Variants in SPIDR observed in about 807,000 individuals in gnomAD.
The protein encoded by SPIDR is scaffold protein involved in DNA repair.
In SPIDR, 93 loss-of-function variants were observed where a neutral mutation model predicts 104.6. The observed-to-expected ratio is 0.89, with a 90% CI of 0.75 to 1.06. SPIDR has a LOEUF of 1.06. Among genes scored for constraint, SPIDR ranks in the 50% least tolerant of loss-of-function variants. The pLI, the probability that SPIDR is intolerant of heterozygous loss-of-function variation, is 0.00. For synonymous variants in SPIDR, 431 were observed against 416.9 expected, an observed-to-expected ratio of 1.03 and a Z score of -0.41; for missense variants, 1,154 against 1,111.2, an observed-to-expected ratio of 1.04 and a Z score of -0.55.
chr8:47,582,869 C>CAT (rs58837046), intron 8 of SPIDR, among the ~76,000 whole-genome samples: 1 of 124,836 alleles, frequency 8.0e-6, no homozygotes, highest in Non-Finnish European at 1.8e-5. Flanking sequence ...CACACACACA[C>CAT]ATATTTTTAA....
At chr8:47,641,019 T>C (rs2068871053) in intron 10 of SPIDR, among the ~76,000 whole-genome samples, 1 of 151,190 alleles carries the variant, frequency 6.6e-6, no homozygotes, top group Non-Finnish European at 1.5e-5. Context: ...GGCTGAGCTG[T>C]GATTTTTAAA....
intron 8 of SPIDR, among the ~76,000 whole-genome samples, chr8:47,490,763 A>G (rs969152487): frequency 1.8e-4 from 28 of 152,218 alleles, no homozygotes; most frequent in Middle Eastern, 3.4e-3. Flanking sequence ...ACCAAACACC[A>G]CATGTTCTCA....
chr8:47,399,974 C>T (rs566846186), intron 6 of SPIDR, among the ~76,000 whole-genome samples: 5 of 152,238 alleles, frequency 3.3e-5, no homozygotes, highest in East Asian at 1.9e-4. Context: ...GTGGCTGAGG[C>T]GAGTGGAGGA....
chr8:47,545,750 T>C (rs1376685434), intron 8 of SPIDR, among the ~76,000 whole-genome samples: 1 of 152,116 alleles, frequency 6.6e-6, no homozygotes, highest in African/African-American at 2.4e-5. Flanking sequence ...CCAATAAATA[T>C]AATATTAACT....
intron 5 of SPIDR, among the ~76,000 whole-genome samples, chr8:47,370,941 GTC>G (rs2057935516): frequency 1.3e-5 from 2 of 151,964 alleles, no homozygotes; most frequent in Admixed American, 6.6e-5. Context: ...TAGGTTTGCT[GTC>G]TCTAGTGTCT....
At chr8:47,575,661 AAAG>A (rs934294700) in intron 8 of SPIDR, among the ~76,000 whole-genome samples, 12 of 135,244 alleles carry the variant, frequency 8.9e-5, no homozygotes, top group African/African-American at 1.4e-4. Context: ...AAAAAAAAAA[AAAG>A]AAAGAAAAAA....
At chr8:47,281,125 T>TA (rs2037694446) in intron 2 of SPIDR, among the ~76,000 whole-genome samples, 1 of 152,202 alleles carries the variant, frequency 6.6e-6, no homozygotes, top group Admixed American at 6.5e-5. Flanking sequence ...GCAATAGTAT[T>TA]ATGTCTAAAA....
intron 5 of SPIDR, among the ~76,000 whole-genome samples, chr8:47,336,271 C>T (rs1179744717): frequency 6.6e-6 from 1 of 152,158 alleles, no homozygotes; most frequent in African/African-American, 2.4e-5. Flanking sequence ...AATACTGTTG[C>T]TCTGAAATTG....
intron 5 of SPIDR, among the ~76,000 whole-genome samples, chr8:47,354,963 T>C (rs1489075337): frequency 6.6e-6 from 1 of 151,862 alleles, no homozygotes; most frequent in African/African-American, 2.4e-5. Flanking sequence ...TTTTTTGTTT[T>C]TCTTTTCTTG....
At chr8:47,566,472 T>C (rs542386742) in intron 8 of SPIDR, among the ~76,000 whole-genome samples, 7 of 152,302 alleles carry the variant, frequency 4.6e-5, no homozygotes, top group South Asian at 2.1e-4. Context: ...AAAGGACTTA[T>C]AAAGTCCAGC....
At chr8:47,311,890 C>A (rs1441836515) in intron 5 of SPIDR, among the ~76,000 whole-genome samples, 1 of 152,100 alleles carries the variant, frequency 6.6e-6, no homozygotes, top group Non-Finnish European at 1.5e-5. Flanking sequence ...CCACAACAGT[C>A]CCCGGAGTGT....
intron 8 of SPIDR, among the ~76,000 whole-genome samples, chr8:47,544,093 G>T (rs770103645): frequency 2.6e-5 from 4 of 151,612 alleles, no homozygotes; most frequent in East Asian, 1.9e-4. Context: ...TGGCCAAGAG[G>T]GTTCTGTTCA....
At chr8:47,662,614 C>T (rs1465175170) in intron 10 of SPIDR, among the ~76,000 whole-genome samples, 1 of 152,104 alleles carries the variant, frequency 6.6e-6, no homozygotes, top group Non-Finnish European at 1.5e-5. Flanking sequence ...CCCTTCCTTC[C>T]AAGAGAAAAT....
chr8:47,467,274 C>T (rs1318664591), intron 8 of SPIDR, among the ~76,000 whole-genome samples: 1 of 152,136 alleles, frequency 6.6e-6, no homozygotes, highest in Non-Finnish European at 1.5e-5. Flanking sequence ...CAGCTGAATT[C>T]TACCAGATGT....
At chr8:47,735,248 G>A in intron 19 of SPIDR, 59 bp from the exon 20 acceptor site, 1 of 1,558,314 alleles carries the variant, frequency 6.4e-7, no homozygotes, top group Non-Finnish European at 8.8e-7. Flanking sequence ...TTTCCGTGTT[G>A]TTGGGAACAG....
intron 5 of SPIDR, among the ~76,000 whole-genome samples, chr8:47,392,902 C>A (rs1332716840): frequency 6.6e-6 from 1 of 152,194 alleles, no homozygotes; most frequent in Non-Finnish European, 1.5e-5. Context: ...TGTATCTGTA[C>A]AATTTCTCTT....
chr8:47,523,850 A>G (rs560189553), intron 8 of SPIDR, among the ~76,000 whole-genome samples: 5 of 152,278 alleles, frequency 3.3e-5, no homozygotes, highest in African/African-American at 7.2e-5. Flanking sequence ...TGGTGATACA[A>G]TTTTACTTTT....
At chr8:47,715,785 A>C (rs2082493483) in intron 16 of SPIDR, among the ~76,000 whole-genome samples, 2 of 152,280 alleles carry the variant, frequency 1.3e-5, no homozygotes, top group South Asian at 4.2e-4. Flanking sequence ...TACTACGAAT[A>C]AAGCTGCTAT....
chr8:47,731,639 A>T (rs2085255234), intron 19 of SPIDR, among the ~76,000 whole-genome samples: 1 of 152,232 alleles, frequency 6.6e-6, no homozygotes, highest in African/African-American at 2.4e-5. Context: ...AAGGAGCATA[A>T]TGGGGAACAG....
Sources: allele counts gnomAD v4.1 joint callset (sites outside exome capture counted in the v4.1 genomes callset), GRCh38; gene constraint gnomAD v4.1.1; transcripts MANE v1.5; gene names NCBI Gene and HGNC (gene_info 2026-07-23, HGNC 2026-07-21).